CCDC18: variants seen among roughly 807,000 people sequenced by gnomAD.
CCDC18 encodes the protein coiled-coil domain-containing protein 18.
CCDC18 carries 157 observed loss-of-function variants against 196.0 expected under a neutral mutation model. That is an observed-to-expected ratio of 0.80 (90% CI 0.70 to 0.91). The LOEUF is 0.91. Among genes scored for constraint, CCDC18 ranks in the 40% least tolerant of loss-of-function variants. CCDC18 has a pLI of 0.00. For missense variants in CCDC18, 1,465 were observed against 1,611.6 expected, an observed-to-expected ratio of 0.91 and a Z score of 1.56; for synonymous variants, 482 against 529.2, an observed-to-expected ratio of 0.91 and a Z score of 1.22.
chr1:93,249,510 G>A (rs761197396), intron 23 of CCDC18, among the ~76,000 whole-genome samples: 1 of 152,046 alleles, frequency 6.6e-6, no homozygotes. Context: ...GGGTTTGGCT[G>A]TTGCTATTCC....
chr1:93,179,969 C>A, upstream of CCDC18: 1 of 1,408,788 alleles, frequency 7.1e-7, no homozygotes, highest in Non-Finnish European at 9.6e-7. Context: ...CAGGGCCGTC[C>A]ACCAGAAGTT....
chr1:93,193,571 A>G (rs778721036), intron 5 of CCDC18, 45 bp from the exon 6 acceptor site: 2 of 1,330,836 alleles, frequency 1.5e-6, no homozygotes, highest in South Asian at 3.0e-5. Context: ...CATACCTGGG[A>G]TAATCTCTTT....
At chr1:93,193,073 C>G (rs1652097279) in intron 5 of CCDC18, among the ~76,000 whole-genome samples, 1 of 152,042 alleles carries the variant, frequency 6.6e-6, no homozygotes, top group South Asian at 2.1e-4. Context: ...ATTGTTCCTA[C>G]TTTGTTCATT....
intron 16 of CCDC18, among the ~76,000 whole-genome samples, chr1:93,225,587 GC>G (rs1250709727): frequency 6.6e-6 from 1 of 152,034 alleles, no homozygotes; most frequent in Non-Finnish European, 1.5e-5. Context: ...GACCAGTCTG[GC>G]CAACATGGCA....
intron 11 of CCDC18, among the ~76,000 whole-genome samples, chr1:93,214,128 A>ATGTT (rs1299458494): frequency 6.6e-6 from 1 of 152,152 alleles, no homozygotes; most frequent in African/African-American, 2.4e-5. Context: ...GGATCTTGCC[A>ATGTT]TGTTGCCCAG....
intron 27 of CCDC18, among the ~76,000 whole-genome samples, chr1:93,268,763 AAGTC>A (rs1164856530): frequency 2.0e-5 from 3 of 151,992 alleles, no homozygotes; most frequent in East Asian, 1.9e-4. Context: ...GATCATTAAA[AAGTC>A]AGGAAACAAC....
At chr1:93,246,747 T>C (rs1661540332) in intron 22 of CCDC18, 91 bp from the exon 23 acceptor site, 1 of 659,936 alleles carries the variant, frequency 1.5e-6, no homozygotes, top group African/African-American at 1.9e-5. Context: ...ATACTTGTTA[T>C]ACTTGCTATA....
At chr1:93,232,925 C>T (rs1209076282) in intron 18 of CCDC18, among the ~76,000 whole-genome samples, 3 of 152,122 alleles carry the variant, frequency 2.0e-5, no homozygotes, top group East Asian at 3.9e-4. Context: ...GAGCTGCAAT[C>T]GTGCCCTTGC....
chr1:93,190,790 A>T, intron 4 of CCDC18: 1 of 677,470 alleles, frequency 1.5e-6, no homozygotes, highest in Non-Finnish European at 2.7e-6. Flanking sequence ...CCCAGTTGAG[A>T]AAGCTTGCAT....
intron 14 of CCDC18, 31 bp from the exon 15 acceptor site, chr1:93,221,578 T>C (rs1266380673): frequency 3.6e-6 from 5 of 1,398,816 alleles, no homozygotes; most frequent in Non-Finnish European, 3.8e-6. Context: ...TTTTAAAATA[T>C]TTAATATGAA....
chr1:93,270,297 C>G, intron 27 of CCDC18, 50 bp from the exon 28 acceptor site: 1 of 1,033,306 alleles, frequency 9.7e-7, no homozygotes, highest in East Asian at 2.6e-5. Context: ...GGAGTTCATT[C>G]ATTTAACAAA....
chr1:93,266,794 A>T (rs1344785060), intron 27 of CCDC18, among the ~76,000 whole-genome samples: 2 of 152,238 alleles, frequency 1.3e-5, no homozygotes, highest in East Asian at 3.8e-4. Flanking sequence ...AAATTGAGGC[A>T]GTAATTAATA....
chr1:93,239,774 T>C lies in CCDC18; in HGVS notation c.2859T>C (p.Asn953=), dbSNP rs1375562579. ...AAGTACTTGAGACTGAACTACAAAA[T>C]GCTCATGGAGAATTAAAAAGTACTT... is the stretch of plus-strand genomic sequence containing the variant. ...KREVLETELQ[N]AHGELKSTLR... is the part of the protein sequence containing the mutation. Residue 953 remains asparagine (N), a synonymous_variant, in exon 21 of 29, where the codon AAT becomes AAC. Transcript: ENST00000690025. The C allele has an allele frequency of 5.0e-6, 8 of 1,613,456 alleles. No individual in the cohort carries two copies. Among genetic ancestry groups the C allele is most frequent in the African/African-American group, 1.3e-5 (1 of 74,882 alleles).
chr1:93,221,698 A>T lies in CCDC18; in HGVS notation c.2052A>T (p.Gln684His), dbSNP rs774425549. 7.5e-6 allele frequency: 12 copies of T among 1,597,298 alleles called. No homozygotes were observed. In the African/African-American group the frequency reaches 1.6e-4, roughly 22 times the overall value. ...TGCAACAAGATATAATATGCAAACA[A>T]CATCATCTTGAATCACTAGATAGAC... ...SMLQQDIICK[Q>H]HHLESLDRLL... is the part of the protein sequence containing the mutation. The change falls in exon 15 of 29, where the codon CAA becomes CAT. Residue 684 changes from glutamine to histidine, a missense_variant. Gln to His is a conservative substitution (Grantham distance 24, BLOSUM62 0). Coordinates refer to ENST00000690025, the MANE Select transcript of CCDC18 (RefSeq NM_001378204.1).
upstream of CCDC18, chr1:93,180,132 G>T: frequency 6.2e-7 from 1 of 1,613,796 alleles, no homozygotes; most frequent in East Asian, 2.2e-5. Flanking sequence ...GAAGGGTAAA[G>T]GTGAAGTCGC....
At chr1:93,244,023 G>T (rs562848638) in intron 21 of CCDC18, among the ~76,000 whole-genome samples, 106 of 152,210 alleles carry the variant, frequency 7.0e-4, no homozygotes, top group Non-Finnish European at 1.3e-3. Flanking sequence ...CCAATTTACT[G>T]TATTAGTGAG....
Position 93,256,506 on chromosome 1 carries a change from C to T in CCDC18, c.3514C>T (p.Leu1172=). 1 of 1,613,912 alleles carries T rather than the reference C, an allele frequency of 6.2e-7. No homozygotes were observed. Among genetic ancestry groups the T allele is most frequent in the African/African-American group, 1.3e-5 (1 of 75,026 alleles). Residue 1172 remains leucine, a synonymous_variant, in exon 25 of 29, where the codon CTG becomes TTG. Transcript: ENST00000690025. ...AGAAATAGAAAGGCTCTCTAGTGAA[C>T]TGGAGGATATGAAGCAACTCTCTAA... is the stretch of plus-strand genomic sequence containing the variant. ...QREIERLSSE[L]EDMKQLSKEK... is the part of the protein sequence containing the mutation.
rs760884541 is a variant in CCDC18, at chr1:93,278,482, A to G, written c.*5A>G. The G allele has an allele frequency of 7.8e-7, 1 of 1,290,290 alleles. No individual in the cohort carries two copies. Among genetic ancestry groups the G allele is most frequent in the Non-Finnish European group, 1.1e-6 (1 of 950,292 alleles). 79.9% of individuals were successfully genotyped at this position (1,290,290 alleles called of 1,614,324 possible). A position where few individuals can be genotyped will look rare whatever the true frequency, so the allele number is the denominator to read the frequency against. On this transcript the variant is annotated 3_prime_UTR_variant, in exon 29 of 29. Coordinates refer to ENST00000690025, the MANE Select transcript of CCDC18 (RefSeq NM_001378204.1). ...TTCTAGGGAGAAAATGTGTAATTCA[A>G]AGAAGATACTGATGTGTTGAAAAAA...
chr1:93,274,131 G>A (rs562765215), intron 28 of CCDC18, among the ~76,000 whole-genome samples: 10 of 152,090 alleles, frequency 6.6e-5, no homozygotes, highest in East Asian at 3.9e-4. Context: ...TTAGCCAGGC[G>A]CGGTGGCTCA....
Sources: allele counts gnomAD v4.1 joint callset (sites outside exome capture counted in the v4.1 genomes callset), GRCh38; gene constraint gnomAD v4.1.1; transcripts MANE v1.5; gene names NCBI Gene and HGNC (gene_info 2026-07-23, HGNC 2026-07-21).